Variants in MS4A14 observed in about 807,000 individuals in gnomAD.
MS4A14 encodes the protein membrane spanning 4-domains A14.
MS4A14 carries 18 observed loss-of-function variants against 16.7 expected under a neutral mutation model. The ratio of observed to expected loss-of-function variants is 1.08; its 90% CI spans 0.75 to 1.60. The LOEUF (loss-of-function observed/expected upper bound fraction) is 1.60, where lower values mean the gene tolerates loss of function less well. Ranked by LOEUF, MS4A14 falls within the 40% of genes most tolerant of loss-of-function variation. The pLI is 0.00. For missense variants in MS4A14, 812 were observed against 775.3 expected, an observed-to-expected ratio of 1.05 and a Z score of -0.56; for synonymous variants, 305 against 289.4, an observed-to-expected ratio of 1.05 and a Z score of -0.55.
intron 4 of MS4A14, among the ~76,000 whole-genome samples, chr11:60,409,795 C>T (rs1590816524): frequency 1.4e-5 from 2 of 147,082 alleles, no homozygotes; most frequent in African/African-American, 2.5e-5. Flanking sequence ...TCTTTCTTTC[C>T]TTCTTTCCTT....
At position 60,416,034 on chromosome 11, in the gene MS4A14, C is replaced by A. The variant is rs763688690; in HGVS notation, c.1066C>A (p.Pro356Thr). ...TTCTAATCTGACAGCTAATGACCTG[C>A]CCCCTCAAGGCATACTATCCCAAGA... ...QSSNLTANDLPPQGILSQDTS... is the reference protein window; with the variant it reads ...QSSNLTANDLTPQGILSQDTS... Residue 356 changes from proline (P) to threonine (T), a missense_variant, in exon 5 of 5, where the codon CCC becomes ACC. Coordinates refer to ENST00000300187, the MANE Select transcript of MS4A14 (RefSeq NM_032597.5). 6 of 1,613,574 alleles carry A rather than the reference C, an allele frequency of 3.7e-6. No individual in the cohort carries two copies. In the Admixed American group the frequency reaches 6.7e-5, roughly 18 times the overall value.
At chr11:60,400,283 G>A in intron 2 of MS4A14, 121 bp from the exon 3 acceptor site, 1 of 595,206 alleles carries the variant, frequency 1.7e-6, no homozygotes, top group Non-Finnish European at 3.0e-6. Flanking sequence ...TGATGCTCAG[G>A]TGGAAAAACG....
At chr11:60,412,870 G>C (rs1332790997) in intron 4 of MS4A14, among the ~76,000 whole-genome samples, 1 of 151,858 alleles carries the variant, frequency 6.6e-6, no homozygotes, top group Non-Finnish European at 1.5e-5. Flanking sequence ...TTCGTTTATT[G>C]ATTGCTACAA....
rs755140851 is a variant in MS4A14 at position 60,416,943 on chromosome 11, G to A, written c.1975G>A (p.Gly659Ser). Reference protein sequence around the residue: ...QQYQFWQFHKGNLQAGQPRTV... With the variant: ...QQYQFWQFHKSNLQAGQPRTV... ...ATACCAATTCTGGCAATTCCACAAA[G>A]GCAATCTCCAGGCTGGACAACCCAG... is the stretch of plus-strand genomic sequence containing the variant. Residue 659 changes from glycine to serine, a missense_variant, in exon 5 of 5, where the codon GGC (glycine) becomes AGC (serine). Transcript: ENST00000300187. 3.1e-6 allele frequency: 5 copies of A among 1,613,572 alleles called. No homozygotes were observed. Among genetic ancestry groups the A allele is most frequent in the Non-Finnish European group, 4.2e-6 (5 of 1,179,748 alleles).
rs537229762 is a variant in MS4A14, at chr11:60,397,855, A to C, written c.142A>C (p.Thr48Pro). ...GTACCCATTTCTCTCCTCACAGGCT[A>C]CCCAGATCCTGCTTGCTCTAATCAT... ...LKGEPRVLGA[T>P]QILLALIIVG... The change falls in exon 2 of 5, where the codon ACC (threonine) becomes CCC (proline). Residue 48 changes from threonine (T) to proline (P), a missense_variant. Transcript: ENST00000300187. 6.2e-7 allele frequency: 1 copy of C among 1,604,934 alleles called. No individual in the cohort carries two copies. The highest frequency in any genetic ancestry group is 1.1e-5 in the South Asian group (1 of 90,658).
intron 4 of MS4A14, among the ~76,000 whole-genome samples, chr11:60,406,434 T>C (rs562820859): frequency 6.6e-6 from 1 of 152,370 alleles, no homozygotes; most frequent in South Asian, 2.1e-4. Flanking sequence ...TACTGAATTC[T>C]GACTATGTCA....
intron 3 of MS4A14, among the ~76,000 whole-genome samples, chr11:60,400,868 C>G (rs769693672): frequency 2.6e-5 from 4 of 152,124 alleles, no homozygotes; most frequent in South Asian, 2.1e-4. Context: ...CAGCCTCCCC[C>G]CAACACAAAA....
Position 60,416,685 on chromosome 11 carries a change from G to T in MS4A14, c.1717G>T (p.Gly573Trp). ...DQQAEDQQAK[G>W]EQYPEGQSKD... ...GCAAGCTGAAGATCAGCAAGCCAAA[G>T]GGGAACAATACCCAGAAGGACAATC... Residue 573 changes from glycine to tryptophan, a missense_variant, in exon 5 of 5, where the codon GGG (glycine) becomes TGG (tryptophan). Gly to Trp is a radical substitution (Grantham distance 184). Coordinates refer to ENST00000300187, the MANE Select transcript of MS4A14 (RefSeq NM_032597.5). 1 of 1,613,836 alleles carries T rather than the reference G, an allele frequency of 6.2e-7. No homozygotes were observed. Among genetic ancestry groups the T allele is most frequent in the Non-Finnish European group, 8.5e-7 (1 of 1,179,940 alleles).
At position 60,415,928 on chromosome 11, in the gene MS4A14, G is replaced by T. The variant is rs376669252; in HGVS notation, c.960G>T (p.Leu320Phe). Residue 320 changes from leucine (L) to phenylalanine (F), a missense_variant, in exon 5 of 5, where the codon TTG (leucine) becomes TTT (phenylalanine). Leu to Phe is a conservative substitution (Grantham distance 22). Coordinates refer to ENST00000300187, the MANE Select transcript of MS4A14 (RefSeq NM_032597.5). Reference protein sequence around the residue: ...LKLEDISPEDLPSQALPVEGL... With the variant: ...LKLEDISPEDFPSQALPVEGL... Reference sequence around the variant, plus strand: ...TCGAAGATATATCACCTGAAGACTTGCCATCCCAAGCTCTACCAGTAGAAG... The same window carrying T: ...TCGAAGATATATCACCTGAAGACTTTCCATCCCAAGCTCTACCAGTAGAAG... The T allele has an allele frequency of 6.2e-6, 10 of 1,613,736 alleles. No homozygotes were observed. The African/African-American group carries it at 1.3e-4, about 22-fold the overall frequency.
At position 60,400,429 on chromosome 11, in the gene MS4A14, T is replaced by C; in HGVS notation, c.293T>C (p.Val98Ala). The C allele has an allele frequency of 6.2e-7, 1 of 1,607,474 alleles. No homozygotes were observed. The highest frequency in any genetic ancestry group is 8.5e-7 in the Non-Finnish European group (1 of 1,175,160). ...LIFILTGYLTVTDKKSKLLGQ... is the reference protein window; with the variant it reads ...LIFILTGYLTATDKKSKLLGQ... ...TTTATTCTTACAGGATACCTCACAG[T>C]AACCGATAAGAAATCAAAACTTCTG... is the stretch of plus-strand genomic sequence containing the variant. The change falls in exon 3 of 5, where the codon GTA (valine) becomes GCA (alanine). Residue 98 changes from valine (V) to alanine (A), a missense_variant. Val to Ala is a moderately conservative substitution (Grantham distance 64, BLOSUM62 0). Transcript: ENST00000300187.
intron 4 of MS4A14, among the ~76,000 whole-genome samples, chr11:60,407,552 GT>G (rs2085806942): frequency 6.6e-6 from 1 of 152,144 alleles, no homozygotes; most frequent in Non-Finnish European, 1.5e-5. Flanking sequence ...TCAACAATGT[GT>G]GAGAGGGACA....
intron 4 of MS4A14, among the ~76,000 whole-genome samples, chr11:60,412,923 G>T (rs899189649): frequency 6.6e-6 from 1 of 151,900 alleles, no homozygotes; most frequent in Admixed American, 6.5e-5. Context: ...TGAGCCTATA[G>T]ATAATTTATA....
rs190594457 is a variant in MS4A14, at chr11:60,407,210, A to G, written c.468+4149A>G. ...TTTTTTGTATTTTTTTTGTAGAAAT[A>G]GGGTTTTGCCACGTTGCCCAGGCTG... On this transcript the variant is annotated intron_variant, in intron 4 of 4. Transcript: ENST00000300187. Among the ~76,000 whole-genome samples the G allele has an allele frequency of 2.9e-4, 44 of 151,918 alleles. 1 individual carries two copies. Among genetic ancestry groups the G allele is most frequent in the African/African-American group, 1.0e-3 (42 of 41,452 alleles).
chr11:60,400,705 G>A (rs2085700839), intron 3 of MS4A14, among the ~76,000 whole-genome samples: 1 of 152,116 alleles, frequency 6.6e-6, no homozygotes, highest in African/African-American at 2.4e-5. Flanking sequence ...GTAATTCATT[G>A]TTTGTAATTA....
Position 60,402,955 on chromosome 11 carries a change from C to G in MS4A14, c.362C>G (p.Ala121Gly), listed in dbSNP as rs76136794. 3 of 1,613,668 alleles carry G rather than the reference C, an allele frequency of 1.9e-6. No homozygotes were observed. The highest frequency in any genetic ancestry group is 2.5e-6 in the Non-Finnish European group (3 of 1,179,716). ...ATGAATGTTATCAGCTCCTTGGTTG[C>G]GATAACTGGGATTACTTTCACCATT... ...TGMNVISSLV[A>G]ITGITFTILS... The change falls in exon 4 of 5, where the codon GCG becomes GGG. Residue 121 changes from alanine (A) to glycine (G), a missense_variant. By Grantham distance (60) the Ala-to-Gly change is moderately conservative. Transcript: ENST00000300187.
chr11:60,411,675 G>C (rs1013658424), intron 4 of MS4A14, among the ~76,000 whole-genome samples: 5 of 152,032 alleles, frequency 3.3e-5, no homozygotes, highest in Admixed American at 6.6e-5. Context: ...GGATTTGGGA[G>C]GATTTTCTAT....
intron 4 of MS4A14, among the ~76,000 whole-genome samples, chr11:60,413,075 T>C (rs2085890703): frequency 6.6e-6 from 1 of 151,980 alleles, no homozygotes; most frequent in African/African-American, 2.4e-5. Context: ...TTGTTAAATG[T>C]ATCTGTAATT....
chr11:60,399,670 G>A (rs958265098), intron 2 of MS4A14, among the ~76,000 whole-genome samples: 14 of 152,152 alleles, frequency 9.2e-5, no homozygotes, highest in African/African-American at 2.2e-4. Flanking sequence ...AGAGTTTCCC[G>A]AACTAGCTTG....
chr11:60,415,392 G>T, intron 4 of MS4A14, 45 bp from the exon 5 acceptor site: 1 of 1,523,888 alleles, frequency 6.6e-7, no homozygotes, highest in Non-Finnish European at 8.8e-7. Flanking sequence ...AAAAAAATCA[G>T]ACATGATTCT....
Sources: allele counts gnomAD v4.1 joint callset (sites outside exome capture counted in the v4.1 genomes callset), GRCh38; gene constraint gnomAD v4.1.1; transcripts MANE v1.5; gene names NCBI Gene and HGNC (gene_info 2026-07-23, HGNC 2026-07-21).